Variants in KIRREL3 observed in about 807,000 individuals in gnomAD.
KIRREL3 encodes kirre like nephrin family adhesion molecule 3.
A neutral mutation model predicts 89.7 loss-of-function variants in KIRREL3; 36 were observed. That is an observed-to-expected ratio of 0.40 (90% CI 0.31 to 0.53). The LOEUF (loss-of-function observed/expected upper bound fraction) is 0.53. Ranked by LOEUF, KIRREL3 falls within the 20% of genes least tolerant of loss-of-function variation. The probability of loss-of-function intolerance (pLI) is 0.49; values close to 1 mark genes in which losing one functional copy is unlikely to be tolerated. For synonymous variants in KIRREL3, 445 were observed against 441.4 expected, an observed-to-expected ratio of 1.01 and a Z score of -0.10; for missense variants, 864 against 1,056.6, an observed-to-expected ratio of 0.82 and a Z score of 2.53.
chr11:126,532,445 G>A (rs12273571), intron 2 of KIRREL3, among the ~76,000 whole-genome samples: 2,247 of 152,008 alleles, frequency 0.015, 56 homozygotes, highest in African/African-American at 0.052. Context: ...GTGTGTTCTC[G>A]GCTCACTGCA....
intron 1 of KIRREL3, among the ~76,000 whole-genome samples, chr11:126,957,221 C>T (rs977502820): frequency 2.6e-5 from 4 of 152,218 alleles, no homozygotes; most frequent in Non-Finnish European, 5.9e-5. Context: ...TTTCTTCTTC[C>T]TCTGACTCTC....
rs979161461 is a variant in KIRREL3, at chr11:126,844,682, C to T, written c.55+155773G>A. Among the ~76,000 whole-genome samples the T allele has an allele frequency of 2.0e-5, 3 of 152,172 alleles. No homozygotes were observed. The highest frequency in any genetic ancestry group is 7.2e-5 in the African/African-American group (3 of 41,444). On this transcript the variant is annotated intron_variant, in intron 1 of 16. Transcript: ENST00000525144. This position sits in a 1 kb window ranked among gnomAD's most constrained non-coding sequence, Gnocchi z 4.8. Reference sequence around the variant, plus strand: ...TTAGAGGCCTCTCTTGGTAAAGTCTCTCTCAGCTAAGAATGGGTTTGGCAC... The same window carrying T: ...TTAGAGGCCTCTCTTGGTAAAGTCTTTCTCAGCTAAGAATGGGTTTGGCAC...
chr11:126,866,117 A>T (rs533296848), intron 1 of KIRREL3, among the ~76,000 whole-genome samples: 31 of 152,366 alleles, frequency 2.0e-4, no homozygotes, highest in African/African-American at 7.0e-4. Context: ...AGAAATATGT[A>T]TGCTTCCATT....
At chr11:126,586,743 T>C (rs1026525206) in intron 1 of KIRREL3, among the ~76,000 whole-genome samples, 3 of 152,060 alleles carry the variant, frequency 2.0e-5, no homozygotes, top group African/African-American at 7.2e-5. Context: ...AAGTAGCGGA[T>C]ACAAGGTGGC....
rs929843703 is a variant in KIRREL3, at chr11:126,474,600, T to G, written c.434-1134A>C. ...CATCCCCAGAGGCAGCCTGATTCTC[T>G]CCTGTCCCAGCCTTCCACTGCATTT... On this transcript the variant is annotated intron_variant, in intron 4 of 16. Coordinates refer to ENST00000525144, the MANE Select transcript of KIRREL3 (RefSeq NM_032531.4). This position sits in a 1 kb window ranked among gnomAD's most constrained non-coding sequence, Gnocchi z 6.7. Among the ~76,000 whole-genome samples, 1 of 152,202 alleles carries G rather than the reference T, an allele frequency of 6.6e-6. No individual in the cohort carries two copies. The highest frequency in any genetic ancestry group is 2.4e-5 in the African/African-American group (1 of 41,462).
intron 1 of KIRREL3, among the ~76,000 whole-genome samples, chr11:126,880,092 G>A (rs1945440229): frequency 2.0e-5 from 3 of 152,146 alleles, no homozygotes; most frequent in Admixed American, 2.0e-4. Flanking sequence ...GAATGGATTA[G>A]CCAATACAGA....
chr11:126,809,258 G>C (rs1951303788), intron 1 of KIRREL3, among the ~76,000 whole-genome samples: 1 of 152,196 alleles, frequency 6.6e-6, no homozygotes, highest in South Asian at 2.1e-4. Context: ...GGAGTCTGAA[G>C]AGAAGATGGA....
At chr11:126,923,218 T>A (rs1433479562) in intron 1 of KIRREL3, among the ~76,000 whole-genome samples, 335 of 21,042 alleles carry the variant, frequency 0.016, 77 homozygotes, top group Middle Eastern at 0.083. Flanking sequence ...TTCTTCTTCT[T>A]CTTCTTCTTC....
rs114744358 is a variant in KIRREL3, at chr11:126,433,900, G to C, written c.1588+1368C>G. ...GCCTCAGTGCCTTGTCTGCACCCTG[G>C]AGAGCTGGGCAGCAGCATTGAAGGT... On this transcript the variant is annotated intron_variant, in intron 13 of 16. Transcript: ENST00000525144. Among the ~76,000 whole-genome samples the C allele has an allele frequency of 5.7e-3, 861 of 152,324 alleles. 11 individuals carry two copies. The highest frequency in any genetic ancestry group is 0.019 in the African/African-American group (802 of 41,570).
In KIRREL3 at chr11:126,472,483, C is replaced by T. The variant is rs187708617; in HGVS notation, c.591+826G>A. ...GGGCACTGATCCCATTTATGAAGCT[C>T]CACCCCCATGACCTGATCATCTCCT... On this transcript the variant is annotated intron_variant, in intron 5 of 16. Transcript: ENST00000525144. Among the ~76,000 whole-genome samples the T allele has an allele frequency of 1.8e-3, 278 of 152,252 alleles. 1 individual carries two copies. The highest frequency in any genetic ancestry group is 5.9e-3 in the African/African-American group (244 of 41,532).
At chr11:126,759,702 C>G (rs1282148431) in intron 1 of KIRREL3, among the ~76,000 whole-genome samples, 1 of 152,166 alleles carries the variant, frequency 6.6e-6, no homozygotes, top group Non-Finnish European at 1.5e-5. Flanking sequence ...ATAAAGAAGC[C>G]TGCTTATGAG....
intron 7 of KIRREL3, among the ~76,000 whole-genome samples, chr11:126,452,548 T>A (rs1309808802): frequency 6.6e-6 from 1 of 152,248 alleles, no homozygotes; most frequent in Non-Finnish European, 1.5e-5. Flanking sequence ...GGGCCAAGCA[T>A]GCGTCTTCCT....
rs566805365 is a variant in KIRREL3 at position 126,450,595 on chromosome 11, A to ATG, written c.849-1440_849-1439dup. Among the ~76,000 whole-genome samples, 350 of 135,596 alleles carry ATG rather than the reference A, an allele frequency of 2.6e-3. 4 individuals are homozygous for ATG. The highest frequency in any genetic ancestry group is 0.016 in the East Asian group (67 of 4,224). The allele number at this position is 135,596 out of a possible 152,430, so 89.0% of individuals were successfully genotyped here. On this transcript the variant is annotated intron_variant, in intron 7 of 16. Coordinates refer to ENST00000525144, the MANE Select transcript of KIRREL3 (RefSeq NM_032531.4). ...TGCATGTGTGCATGTGCATGTGTGCATGTGTGTGTCCATCGGCGTGTGCGA... is the reference window on the plus strand; with the variant it reads ...TGCATGTGTGCATGTGCATGTGTGCATGTGTGTGTGTCCATCGGCGTGTGCGA...
intron 10 of KIRREL3, 194 bp from the exon 11 acceptor site, chr11:126,440,743 G>T: frequency 1.6e-6 from 1 of 622,348 alleles, no homozygotes; most frequent in East Asian, 2.7e-5. Context: ...ACCTCTCAAG[G>T]GATCATGAGC....
rs1314868049 is a variant in KIRREL3, at chr11:126,615,060, G to A, written c.56-52148C>T. Among the ~76,000 whole-genome samples, 1 of 152,108 alleles carries A rather than the reference G, an allele frequency of 6.6e-6. No homozygotes were observed. The highest frequency in any genetic ancestry group is 1.5e-5 in the Non-Finnish European group (1 of 68,026). ...GCTGTCATGTGGAAGAGGGATTGGA[G>A]TGATTTGAGATGCTCTGGGGGGCTG... On this transcript the variant is annotated intron_variant, in intron 1 of 16. Transcript: ENST00000525144. The surrounding 1 kb of genome is among the most constrained non-coding windows in gnomAD (Gnocchi z 5.4).
chr11:126,807,458 A>C lies in KIRREL3; in HGVS notation c.55+192997T>G, dbSNP rs1951238913. Among the ~76,000 whole-genome samples the C allele has an allele frequency of 6.6e-6, 1 of 152,190 alleles. No individual in the cohort carries two copies. The highest frequency in any genetic ancestry group is 2.4e-5 in the African/African-American group (1 of 41,446). ...TCATTAGCTATGTGTTTAACCATTCATGTCTAACTATTCAAATTTAAAAAT... is the reference window on the plus strand; with the variant it reads ...TCATTAGCTATGTGTTTAACCATTCCTGTCTAACTATTCAAATTTAAAAAT... On this transcript the variant is annotated intron_variant, in intron 1 of 16. Transcript: ENST00000525144. The surrounding 1 kb of genome is among the most constrained non-coding windows in gnomAD (Gnocchi z 4.3).
In KIRREL3 at chr11:126,655,014, G is replaced by A. The variant is rs1349573879; in HGVS notation, c.56-92102C>T. Among the ~76,000 whole-genome samples the A allele has an allele frequency of 6.6e-6, 1 of 152,158 alleles. No individual in the cohort carries two copies. The highest frequency in any genetic ancestry group is 2.4e-5 in the African/African-American group (1 of 41,450). ...TTTACATAGGAGGAAGGAAGACACC[G>A]AAAGATGTTCCTAGCTGGCACAGGC... On this transcript the variant is annotated intron_variant, in intron 1 of 16. Coordinates refer to ENST00000525144, the MANE Select transcript of KIRREL3 (RefSeq NM_032531.4). The surrounding 1 kb of genome is among the most constrained non-coding windows in gnomAD (Gnocchi z 5.0).
rs1490379627 is a variant in KIRREL3 at position 126,652,850 on chromosome 11, G to T, written c.56-89938C>A. ...CTTCCTCCGTGAACCAACAACAAAA[G>T]GACCAGCCACCTCACTGGTCCTCTG... On this transcript the variant is annotated intron_variant, in intron 1 of 16. Transcript: ENST00000525144. This position sits in a 1 kb window ranked among gnomAD's most constrained non-coding sequence, Gnocchi z 4.9. 1.3e-5 allele frequency: 2 copies of T among 152,128 alleles called. No individual in the cohort carries two copies. Among genetic ancestry groups the T allele is most frequent in the Non-Finnish European group, 2.9e-5 (2 of 68,030 alleles). 9.4% of individuals were successfully genotyped at this position (152,128 alleles called of 1,614,324 possible).
At position 126,891,121 on chromosome 11, in the gene KIRREL3, G is replaced by A. The variant is rs1358036263; in HGVS notation, c.55+109334C>T. Among the ~76,000 whole-genome samples the A allele has an allele frequency of 1.3e-5, 2 of 152,276 alleles. No homozygotes were observed. The highest frequency in any genetic ancestry group is 4.8e-5 in the African/African-American group (2 of 41,540). The stretch of plus-strand genomic sequence containing the variant: ...GCTACCTTTATTAATTCAGTACCTA[G>A]CTTCTGCATTTAATGGCACATGGGT... On this transcript the variant is annotated intron_variant, in intron 1 of 16. Coordinates refer to ENST00000525144, the MANE Select transcript of KIRREL3 (RefSeq NM_032531.4). The surrounding 1 kb of genome is among the most constrained non-coding windows in gnomAD (Gnocchi z 5.1).
Sources: allele counts gnomAD v4.1 joint callset (sites outside exome capture counted in the v4.1 genomes callset), GRCh38; gene constraint gnomAD v4.1.1; non-coding constraint Gnocchi (gnomAD v3.1); transcripts MANE v1.5; gene names NCBI Gene and HGNC (gene_info 2026-07-23, HGNC 2026-07-21).